The following ABHD12 variants were observed in gnomAD, a reference collection of about 807,000 sequenced individuals.
ABHD12 encodes the protein lysophosphatidylserine lipase ABHD12.
ABHD12 carries 43 observed loss-of-function variants against 58.3 expected under a neutral mutation model. That is an observed-to-expected ratio of 0.74 (90% CI 0.58 to 0.95). ABHD12 has a LOEUF of 0.95. ABHD12 is among the 40% of genes least tolerant of loss of function. The pLI, the probability that ABHD12 is intolerant of heterozygous loss-of-function variation, is 0.00. For synonymous variants in ABHD12, 219 were observed against 211.2 expected (o/e 1.04, Z -0.32); for missense variants, 539 against 537.2 (o/e 1.00, Z -0.03).
intron 4 of ABHD12, among the ~76,000 whole-genome samples, 185 bp downstream of exon 4, chr20:25,320,014 C>A (rs2089036706): frequency 6.6e-6 from 1 of 152,248 alleles, no homozygotes. Context: ...CTTCCCTCAA[C>A]CCCTTCAGAA....
chr20:25,312,787 C>T (rs1406986912), intron 6 of ABHD12, among the ~76,000 whole-genome samples: 1 of 147,846 alleles, frequency 6.8e-6, no homozygotes, highest in African/African-American at 2.5e-5. Context: ...GCCTCTGCCC[C>T]GCCGCCCCGT....
chr20:25,351,201 G>T (rs2089596723), intron 1 of ABHD12, among the ~76,000 whole-genome samples: 1 of 152,122 alleles, frequency 6.6e-6, no homozygotes, highest in Admixed American at 6.6e-5. Context: ...GACATCATTG[G>T]ATCTGGTTGT....
At chr20:25,344,386 A>G (rs951531060) in intron 1 of ABHD12, among the ~76,000 whole-genome samples, 1 of 152,238 alleles carries the variant, frequency 6.6e-6, no homozygotes, top group African/African-American at 2.4e-5. Flanking sequence ...AATAGTTTTC[A>G]TATATACCAG....
In ABHD12 at chr20:25,346,510, G is replaced by A. The variant is rs142649446; in HGVS notation, c.192-7159C>T. ...TGTCAATGCAGGTTCACTGATTCTA[G>A]CAAATATGCCATTGCAGTGCAGGAT... On this transcript the variant is annotated intron_variant, in intron 1 of 12. Transcript: ENST00000339157. 2.0e-3 allele frequency among the ~76,000 whole-genome samples: 299 copies of A among 152,288 alleles called. 2 individuals are homozygous for A. The highest frequency in any genetic ancestry group is 3.6e-3 in the Non-Finnish European group (243 of 68,022).
chr20:25,390,611 G>A lies in ABHD12; in HGVS notation c.93C>T (p.Asp31=), dbSNP rs774565503. 1.0e-5 allele frequency: 15 copies of A among 1,464,914 alleles called. No homozygotes were observed. The highest frequency in any genetic ancestry group is 1.3e-5 in the South Asian group (1 of 77,874). The allele number at this position is 1,464,914 out of a possible 1,614,324, so 90.7% of individuals were successfully genotyped here. ...SSSGSAAAAL[D]ADCRLKQNLR... is the part of the protein sequence containing the mutation. ...GGTTCTGCTTCAGGCGGCAGTCGGC[G>A]TCCAGCGCCGCGGCGGCCGAGCCGG... Residue 31 remains aspartate, a synonymous_variant, in exon 1 of 13, where the codon GAC becomes GAT. Coordinates refer to ENST00000339157, the MANE Select transcript of ABHD12 (RefSeq NM_001042472.3).
intron 5 of ABHD12, among the ~76,000 whole-genome samples, chr20:25,316,095 C>T (rs2088956267): frequency 6.6e-6 from 1 of 152,242 alleles, no homozygotes; most frequent in African/African-American, 2.4e-5. Flanking sequence ...CACCTGCAGC[C>T]CTTGCTGGGG....
At chr20:25,356,930 C>T (rs1252559207) in intron 1 of ABHD12, among the ~76,000 whole-genome samples, 1 of 152,168 alleles carries the variant, frequency 6.6e-6, no homozygotes, top group Non-Finnish European at 1.5e-5. Context: ...GGGACAGGAG[C>T]TCAAGGCCAG....
intron 2 of ABHD12, among the ~76,000 whole-genome samples, chr20:25,327,466 C>CAAAA (rs566529626): frequency 2.0e-5 from 2 of 101,624 alleles, no homozygotes; most frequent in African/African-American, 6.8e-5. Flanking sequence ...GACTCCGTCT[C>CAAAA]AAAAAAAAAA....
In ABHD12 at chr20:25,303,334, C is replaced by G. The variant is rs887990822; in HGVS notation, c.1029+216G>C. The G allele has an allele frequency of 2.1e-6, 3 of 1,452,754 alleles. No individual in the cohort carries two copies. The Admixed American group carries it at 6.5e-5, about 32-fold the overall frequency. The allele number at this position is 1,452,754 out of a possible 1,614,324, so 90.0% of individuals were successfully genotyped here. A position where few individuals can be genotyped will look rare whatever the true frequency, so the allele number is the denominator to read the frequency against. ...GAGACAGCATCAGTGGGCCCCTGCC[C>G]CAACCTTTACACCAGACCTCCCATG... On this transcript the variant is annotated intron_variant, in intron 11 of 12. Transcript: ENST00000339157.
chr20:25,339,757 G>A (rs933142912), intron 1 of ABHD12: 3 of 1,307,170 alleles, frequency 2.3e-6, no homozygotes, highest in Non-Finnish European at 3.0e-6. Context: ...GACAACTGCA[G>A]GCAGGCGTAG....
chr20:25,390,477 G>GGCCCCCCCCCCCCCCCCCCC, intron 1 of ABHD12, 36 bp downstream of exon 1: 1 of 98,530 alleles, frequency 1.0e-5, no homozygotes, highest in Non-Finnish European at 1.3e-5. Flanking sequence ...TGAGGGACCG[G>GGCCCCCCCCCCCCCCCCCCC]CCCCCCCCCC....
intron 12 of ABHD12, among the ~76,000 whole-genome samples, chr20:25,301,761 T>G (rs1245362333): frequency 6.6e-6 from 1 of 152,266 alleles, no homozygotes; most frequent in Admixed American, 6.5e-5. Context: ...TGGGTACTCA[T>G]GGCTCTCTGG....
chr20:25,390,827 G>T lies in ABHD12; in HGVS notation c.-124C>A. 2 of 602,948 alleles carry T rather than the reference G, an allele frequency of 3.3e-6. No homozygotes were observed. Among genetic ancestry groups the T allele is most frequent in the Non-Finnish European group, 4.6e-6 (2 of 436,684 alleles). 37.3% of individuals were successfully genotyped at this position (602,948 alleles called of 1,614,324 possible). On this transcript the variant is annotated 5_prime_UTR_variant, in exon 1 of 13. The change creates a new upstream start codon in the 5' untranslated region. Coordinates refer to ENST00000339157, the MANE Select transcript of ABHD12 (RefSeq NM_001042472.3). The stretch of plus-strand genomic sequence containing the variant: ...CCGCCGCTCCTCACATCCCAGCCCA[G>T]GCCGCTGCGCCGGCTACGAACCAGC...
At chr20:25,338,418 C>G (rs1286786317) in intron 2 of ABHD12, among the ~76,000 whole-genome samples, 4 of 152,192 alleles carry the variant, frequency 2.6e-5, no homozygotes, top group Non-Finnish European at 5.9e-5. Context: ...CACAGAACAC[C>G]CACCGTGTGC....
intron 1 of ABHD12, among the ~76,000 whole-genome samples, chr20:25,342,385 A>G (rs2089466379): frequency 6.6e-6 from 1 of 152,142 alleles, no homozygotes; most frequent in Non-Finnish European, 1.5e-5. Flanking sequence ...ATCTCTATTC[A>G]TTAGCAAAAC....
At chr20:25,368,401 A>T in intron 1 of ABHD12, 4 of 1,595,398 alleles carry the variant, frequency 2.5e-6, no homozygotes, top group Non-Finnish European at 3.4e-6. Context: ...CATGCTTGCC[A>T]TCCAACCACT....
intron 1 of ABHD12, among the ~76,000 whole-genome samples, chr20:25,348,513 CGGGAGGCTGAGAT>C (rs1221550908): frequency 1.3e-5 from 2 of 150,136 alleles, no homozygotes; most frequent in Non-Finnish European, 3.0e-5. Flanking sequence ...CCCAGCTACC[CGGGAGGCTGAGAT>C]GGGAGGATTA....
intron 2 of ABHD12, 74 bp downstream of exon 2, chr20:25,339,153 C>T: frequency 6.3e-7 from 1 of 1,591,534 alleles, no homozygotes; most frequent in Non-Finnish European, 8.6e-7. Flanking sequence ...AAAAAGACTA[C>T]CCCTAAAATC....
chr20:25,297,203 TG>T (rs1354195071), downstream of ABHD12: 1 of 152,236 alleles, frequency 6.6e-6, no homozygotes, highest in African/African-American at 2.4e-5. Flanking sequence ...GACACTGGAG[TG>T]GGTGCTTGTG....
Sources: gnomAD v4.1 joint callset for allele counts (sites outside exome capture counted in the v4.1 genomes callset) on GRCh38, gnomAD v4.1.1 for gene constraint, MANE v1.5 for transcripts, NCBI Gene and HGNC (gene_info 2026-07-23, HGNC 2026-07-21) for gene names.